The following TRRAP variants were observed in gnomAD, a reference collection of about 807,000 sequenced individuals.
TRRAP encodes transformation/transcription domain-associated protein.
TRRAP carries 41 observed loss-of-function variants against 438.8 expected under a neutral mutation model. That is an observed-to-expected ratio of 0.09 (90% CI 0.07 to 0.12). The LOEUF is 0.12. Among genes scored for constraint, TRRAP ranks in the 10% least tolerant of loss-of-function variants. The pLI, the probability that TRRAP is intolerant of heterozygous loss-of-function variation, is 1.00. For missense variants in TRRAP, 3,122 were observed against 5,055.1 expected (o/e 0.62, Z 11.60); for synonymous variants, 1,994 against 1,962.9 (o/e 1.02, Z -0.42).
At chr7:98,979,032 G>A in intron 58 of TRRAP, 128 bp downstream of exon 58, 2 of 1,216,680 alleles carry the variant, frequency 1.6e-6, no homozygotes, top group South Asian at 2.8e-5. Context: ...GGAAGGAAAG[G>A]TTCCTTTTGA....
Position 98,961,404 on chromosome 7 carries a change from A to G in TRRAP, c.6633A>G (p.Gly2211=). Residue 2211 remains glycine, a synonymous_variant, in exon 46 of 73, where the codon GGA becomes GGG. Coordinates refer to ENST00000456197, the MANE Select transcript of TRRAP (RefSeq NM_001375524.1). ...GAATTGCCGCCTGCATGACATGTGG[A>G]AACACCAAGGTGTTGCGAGCCGTCC... is the stretch of plus-strand genomic sequence containing the variant. ...QRGIAACMTC[G]NTKVLRAVHS... 1 of 1,614,098 alleles carries G rather than the reference A, an allele frequency of 6.2e-7. No homozygotes were observed. The highest frequency in any genetic ancestry group is 2.2e-5 in the East Asian group (1 of 44,896).
At chr7:98,966,047 C>A (rs1361034961) in intron 49 of TRRAP, 152 bp downstream of exon 49, 1 of 970,876 alleles carries the variant, frequency 1.0e-6, no homozygotes, top group Non-Finnish European at 1.5e-6. Flanking sequence ...GGATTTTTGT[C>A]TGTAATCTCA....
intron 3 of TRRAP, among the ~76,000 whole-genome samples, chr7:98,884,717 A>G (rs782487762): frequency 9.9e-5 from 15 of 152,034 alleles, no homozygotes; most frequent in Non-Finnish European, 1.8e-4. Context: ...CTGAACACTG[A>G]GGATTTTACT....
chr7:98,986,781 G>C (rs1325628194), intron 62 of TRRAP, among the ~76,000 whole-genome samples: 2 of 152,066 alleles, frequency 1.3e-5, no homozygotes, highest in African/African-American at 4.8e-5. Flanking sequence ...CCTAATCCAG[G>C]ATCAGAAGCA....
intron 30 of TRRAP, 49 bp from the exon 31 acceptor site, chr7:98,942,900 G>A (rs1029871487): frequency 6.3e-7 from 1 of 1,595,536 alleles, no homozygotes; most frequent in African/African-American, 1.3e-5. Flanking sequence ...TTCCACCAGT[G>A]GAATGCACCT....
intron 58 of TRRAP, among the ~76,000 whole-genome samples, chr7:98,981,015 A>G (rs994139807): frequency 2.0e-5 from 3 of 152,196 alleles, no homozygotes; most frequent in Non-Finnish European, 2.9e-5. Flanking sequence ...ATGACCCTGC[A>G]GTCTAGCTTG....
intron 3 of TRRAP, among the ~76,000 whole-genome samples, chr7:98,889,449 T>C (rs1015617331): frequency 5.3e-5 from 8 of 151,928 alleles, no homozygotes; most frequent in Non-Finnish European, 1.2e-4. Flanking sequence ...ATCCCCAGAG[T>C]TTAGGTAACT....
intron 21 of TRRAP, among the ~76,000 whole-genome samples, chr7:98,924,170 A>T (rs1789929373): frequency 6.6e-6 from 1 of 152,240 alleles, no homozygotes; most frequent in Admixed American, 6.5e-5. Context: ...CAAATCTTCC[A>T]CAAGAGGCTC....
Position 98,918,227 on chromosome 7 carries a change from C to CTTT in TRRAP, c.2622+567_2622+569dup, listed in dbSNP as rs71118647. Among the ~76,000 whole-genome samples the CTTT allele has an allele frequency of 2.8e-3, 235 of 83,182 alleles. 1 individual carries two copies. Among genetic ancestry groups the CTTT allele is most frequent in the African/African-American group, 8.1e-3 (207 of 25,550 alleles). The allele number at this position is 83,182 out of a possible 152,430, so 54.6% of individuals were successfully genotyped here. A position where few individuals can be genotyped will look rare whatever the true frequency, so the allele number is the denominator to read the frequency against. ...AGAGAGCCTTCACGAGGGTTATATT[C>CTTT]TTTTTTTTTTTTTTTTTTTTTGTGA... On this transcript the variant is annotated intron_variant, in intron 20 of 72. Coordinates refer to ENST00000456197, the MANE Select transcript of TRRAP (RefSeq NM_001375524.1).
chr7:98,965,907 C>T lies in TRRAP; in HGVS notation c.7176+12C>T, dbSNP rs375448216. The T allele has an allele frequency of 3.3e-5, 54 of 1,613,740 alleles. No homozygotes were observed. The highest frequency in any genetic ancestry group is 1.6e-4 in the East Asian group (7 of 44,886). On this transcript the variant is annotated intron_variant, in intron 49 of 72. Coordinates refer to ENST00000456197, the MANE Select transcript of TRRAP (RefSeq NM_001375524.1). ...TGGCAGCCAATCAGGTGAGCTGGGA[C>T]GGTGTGCCATGTGATCTCCCTTTCA...
At chr7:98,985,196 A>G (rs1015981548) in intron 62 of TRRAP, 152 bp downstream of exon 62, 65 of 556,138 alleles carry the variant, frequency 1.2e-4, no homozygotes, top group Non-Finnish European at 1.9e-4. Flanking sequence ...GCACCTCTGC[A>G]AAAAGAGTAA....
chr7:99,008,377 T>C lies in TRRAP; in HGVS notation c.10754T>C (p.Val3585Ala), dbSNP rs1252207038. ...CCCGTTTCTCTTCCTCTCTCCCCAG[T>C]GCCCCGGGTTGTGGCAGTTTCCCCA... Reference protein sequence around the residue: ...ETTKRHLFFTVPRVVAVSPQM... With the variant: ...ETTKRHLFFTAPRVVAVSPQM... Residue 3585 changes from valine to alanine, a missense_variant and splice_region_variant, in exon 70 of 73, where the codon GTG becomes GCG. By Grantham distance (64) the Val-to-Ala change is moderately conservative. This residue lies in a region of TRRAP where 95 missense variants were observed against 144.1 expected (regional missense o/e 0.66). Transcript: ENST00000456197. 1 of 1,613,832 alleles carries C rather than the reference T, an allele frequency of 6.2e-7. No individual in the cohort carries two copies. Among genetic ancestry groups the C allele is most frequent in the East Asian group, 2.2e-5 (1 of 44,876 alleles).
At chr7:98,954,527 C>G (rs1791500202) in intron 40 of TRRAP, among the ~76,000 whole-genome samples, 1 of 152,196 alleles carries the variant, frequency 6.6e-6, no homozygotes, top group Non-Finnish European at 1.5e-5. Context: ...CCTGCCCTCC[C>G]CCAGTTGTCT....
intron 22 of TRRAP, among the ~76,000 whole-genome samples, chr7:98,925,835 C>T (rs1423756063): frequency 8.5e-5 from 13 of 152,124 alleles, no homozygotes; most frequent in Non-Finnish European, 1.3e-4. Flanking sequence ...AGTAGGTGCT[C>T]AGTTGTTTAA....
At chr7:98,987,808 G>A (rs1793217850) in intron 62 of TRRAP, among the ~76,000 whole-genome samples, 1 of 152,188 alleles carries the variant, frequency 6.6e-6, no homozygotes, top group South Asian at 2.1e-4. Context: ...TTAGCTGTGG[G>A]TGTTCTGTAG....
chr7:98,901,133 C>T (rs782073832), intron 11 of TRRAP, among the ~76,000 whole-genome samples: 3 of 152,240 alleles, frequency 2.0e-5, no homozygotes, highest in Non-Finnish European at 4.4e-5. Context: ...ATCCCATAGG[C>T]TAGGTTGCTT....
At position 98,956,540 on chromosome 7, in the gene TRRAP, T is replaced by C; in HGVS notation, c.6231+7T>C. 1.2e-6 allele frequency: 2 copies of C among 1,611,388 alleles called. No homozygotes were observed. The highest frequency in any genetic ancestry group is 8.5e-7 in the Non-Finnish European group (1 of 1,179,258). On this transcript the variant is annotated splice_region_variant and intron_variant, in intron 43 of 72. Transcript: ENST00000456197. The surrounding 1 kb of genome is among the most constrained non-coding windows in gnomAD (Gnocchi z 4.5). Reference sequence around the variant, plus strand: ...CACCGGAGCCATCAGTGCAGTAAGATCATGTGCCTCTGTATGGGTGCTGCG... The same window carrying C: ...CACCGGAGCCATCAGTGCAGTAAGACCATGTGCCTCTGTATGGGTGCTGCG...
intron 51 of TRRAP, among the ~76,000 whole-genome samples, chr7:98,968,543 T>A (rs1401224875): frequency 2.0e-5 from 3 of 152,250 alleles, no homozygotes; most frequent in Non-Finnish European, 4.4e-5. Flanking sequence ...GCTTCTAGCT[T>A]GCTAGAGTTT....
At chr7:98,883,126 A>G (rs1554403420) in intron 3 of TRRAP, among the ~76,000 whole-genome samples, 1 of 152,230 alleles carries the variant, frequency 6.6e-6, no homozygotes, top group Admixed American at 6.5e-5. Flanking sequence ...CTACAATTGT[A>G]TATTGTCCTG....
Sources: gnomAD v4.1 joint callset for allele counts (sites outside exome capture counted in the v4.1 genomes callset) on GRCh38, gnomAD v4.1.1 for gene constraint, gnomAD v4.1.1 regional missense constraint, Gnocchi (gnomAD v3.1) non-coding constraint, MANE v1.5 for transcripts, NCBI Gene and HGNC (gene_info 2026-07-23, HGNC 2026-07-21) for gene names.